SRRM4: variants seen among roughly 807,000 people sequenced by gnomAD.
SRRM4 encodes the protein serine/arginine repetitive matrix 4, also known as serine/arginine repetitive matrix protein 4.
SRRM4 carries 33 observed loss-of-function variants against 68.9 expected under a neutral mutation model. That is an observed-to-expected ratio of 0.48 (90% confidence interval 0.36 to 0.64). The LOEUF is 0.64. SRRM4 is among the 30% of genes least tolerant of loss of function. SRRM4 has a pLI of 0.00. For synonymous variants in SRRM4, 318 were observed against 318.8 expected (o/e 1.00, Z 0.03); for missense variants, 817 against 827.1 (o/e 0.99, Z 0.15).
intron 1 of SRRM4, among the ~76,000 whole-genome samples, chr12:119,000,566 G>T (rs1389949465): frequency 6.6e-6 from 1 of 152,162 alleles, no homozygotes; most frequent in East Asian, 1.9e-4. Flanking sequence ...GATTTAGTCA[G>T]AATTGGTTTA....
intron 8 of SRRM4, among the ~76,000 whole-genome samples, chr12:119,137,890 C>T (rs1592913384): frequency 6.6e-6 from 1 of 151,848 alleles, no homozygotes; most frequent in Non-Finnish European, 1.5e-5. Context: ...TTAAAAAGGT[C>T]GAGATGGGAG....
rs575089650 is a variant in SRRM4 at position 119,113,577 on chromosome 12, G to A, written c.279-701G>A. The stretch of plus-strand genomic sequence containing the variant: ...TAGTAAGATTATGTTTTCCCCTTGA[G>A]GTTCCACTAGGTTGGCATGTTCCAA... On this transcript the variant is annotated intron_variant, in intron 2 of 12. Coordinates refer to ENST00000267260, the MANE Select transcript of SRRM4 (RefSeq NM_194286.4). Among the ~76,000 whole-genome samples the A allele has an allele frequency of 2.2e-4, 34 of 152,242 alleles. No homozygotes were observed. In the South Asian group the frequency reaches 3.9e-3, roughly 18 times the overall value.
Position 119,083,983 on chromosome 12 carries a change from G to A in SRRM4, c.132-18253G>A, listed in dbSNP as rs192632509. Reference sequence around the variant, plus strand: ...TTTATGTCCTGCAAAGCATCACTGAGCTATTGCCATAAGCCATGCACATTA... The same window carrying A: ...TTTATGTCCTGCAAAGCATCACTGAACTATTGCCATAAGCCATGCACATTA... On this transcript the variant is annotated intron_variant, in intron 1 of 12. Transcript: ENST00000267260. 5.9e-5 allele frequency among the ~76,000 whole-genome samples: 9 copies of A among 152,308 alleles called. No homozygotes were observed. In the East Asian group the frequency reaches 1.7e-3, roughly 29 times the overall value.
Position 119,082,087 on chromosome 12 carries a change from C to T in SRRM4, c.132-20149C>T, listed in dbSNP as rs375868014. Among the ~76,000 whole-genome samples, 113 of 152,264 alleles carry T rather than the reference C, an allele frequency of 7.4e-4. No individual in the cohort carries two copies. The South Asian group carries it at 0.012, about 17-fold the overall frequency. On this transcript the variant is annotated intron_variant, in intron 1 of 12. Coordinates refer to ENST00000267260, the MANE Select transcript of SRRM4 (RefSeq NM_194286.4). ...TGTTCTGCAGGGAGAGATTGTTTCT[C>T]GAGTTTGTAGCATTCCTGGCTTGGA...
At chr12:119,073,936 C>T (rs959326287) in intron 1 of SRRM4, among the ~76,000 whole-genome samples, 1 of 152,114 alleles carries the variant, frequency 6.6e-6, no homozygotes, top group Admixed American at 6.5e-5. Context: ...CCAGCCAGAG[C>T]CTCTACTTCT....
intron 7 of SRRM4, 96 bp from the exon 8 acceptor site, chr12:119,130,582 C>A: frequency 7.9e-7 from 1 of 1,263,848 alleles, no homozygotes; most frequent in Non-Finnish European, 1.1e-6. Context: ...CACCCCCAAA[C>A]ACACTTTATC....
chr12:119,132,151 A>C (rs757499035), intron 8 of SRRM4: 3 of 152,172 alleles, frequency 2.0e-5, no homozygotes, highest in Non-Finnish European at 4.4e-5. Context: ...GTGGTTACTG[A>C]GTCCTTGCAG....
intron 1 of SRRM4, among the ~76,000 whole-genome samples, chr12:119,095,006 C>T (rs1301433654): frequency 1.3e-5 from 2 of 152,322 alleles, no homozygotes; most frequent in East Asian, 3.9e-4. Flanking sequence ...TATATCCAAA[C>T]GATGTCTCCC....
chr12:119,074,970 A>G (rs1953899500), intron 1 of SRRM4, among the ~76,000 whole-genome samples: 1 of 152,222 alleles, frequency 6.6e-6, no homozygotes, highest in Non-Finnish European at 1.5e-5. Flanking sequence ...AAAATCTATG[A>G]GGCCAAAGAA....
intron 1 of SRRM4, among the ~76,000 whole-genome samples, chr12:119,046,973 A>C (rs10849623): frequency 6.7e-6 from 1 of 149,394 alleles, no homozygotes; most frequent in African/African-American, 2.5e-5. Context: ...CGGAGCTTGC[A>C]GTGAGCTGAG....
At position 119,098,567 on chromosome 12, in the gene SRRM4, A is replaced by G. The variant is rs1954059027; in HGVS notation, c.132-3669A>G. 2.0e-5 allele frequency among the ~76,000 whole-genome samples: 3 copies of G among 152,374 alleles called. No homozygotes were observed. In the South Asian group the frequency reaches 6.2e-4, roughly 32 times the overall value. ...GGCAGAAAGACGCAGTCTTGCTCGCAGGGAGCTCATAGTCCAATTTGATAG... is the reference window on the plus strand; with the variant it reads ...GGCAGAAAGACGCAGTCTTGCTCGCGGGGAGCTCATAGTCCAATTTGATAG... On this transcript the variant is annotated intron_variant, in intron 1 of 12. Transcript: ENST00000267260.
chr12:119,070,704 G>A (rs1193376638), intron 1 of SRRM4, among the ~76,000 whole-genome samples: 2 of 152,196 alleles, frequency 1.3e-5, no homozygotes, highest in East Asian at 3.8e-4. Flanking sequence ...ATAAAAGATA[G>A]AATGGACTAA....
intron 1 of SRRM4, among the ~76,000 whole-genome samples, chr12:119,009,708 G>A (rs2135996783): frequency 6.6e-6 from 1 of 152,262 alleles, no homozygotes; most frequent in African/African-American, 2.4e-5. Context: ...CATTCAAACA[G>A]CAAATGTCCA....
intron 8 of SRRM4, among the ~76,000 whole-genome samples, chr12:119,142,182 A>T (rs1379581686): frequency 6.6e-6 from 1 of 152,206 alleles, no homozygotes; most frequent in African/African-American, 2.4e-5. Flanking sequence ...AAACACTGTC[A>T]TCCATGTCAA....
chr12:119,005,252 C>G (rs1953409246), intron 1 of SRRM4, among the ~76,000 whole-genome samples: 1 of 152,178 alleles, frequency 6.6e-6, no homozygotes, highest in Admixed American at 6.5e-5. Context: ...ACGGAAGGGG[C>G]CCCATTTTAT....
intron 1 of SRRM4, among the ~76,000 whole-genome samples, chr12:119,085,696 G>A (rs537085883): frequency 3.9e-4 from 60 of 152,286 alleles, no homozygotes; most frequent in African/African-American, 1.4e-3. Context: ...TTTGTCTCCT[G>A]CATGGACATC....
chr12:119,049,218 G>A (rs1953726461), intron 1 of SRRM4, among the ~76,000 whole-genome samples: 1 of 152,302 alleles, frequency 6.6e-6, no homozygotes, highest in Non-Finnish European at 1.5e-5. Flanking sequence ...TACATCTGGT[G>A]TTTAAGAATC....
rs752953989 is a variant in SRRM4 at position 119,120,222 on chromosome 12, T to G, written c.438-28T>G. 27 of 1,515,746 alleles carry G rather than the reference T, an allele frequency of 1.8e-5. No homozygotes were observed. In the African/African-American group the frequency reaches 3.7e-4, roughly 21 times the overall value. 93.9% of individuals were successfully genotyped at this position (1,515,746 alleles called of 1,614,324 possible). On this transcript the variant is annotated intron_variant, in intron 4 of 12. Coordinates refer to ENST00000267260, the MANE Select transcript of SRRM4 (RefSeq NM_194286.4). ...GCCTTTTTTTTCTTTGATTCTTCTT[T>G]TCATTTTTTTTCTTTCTTTCTTTTC... is the stretch of plus-strand genomic sequence containing the variant.
At chr12:119,093,909 A>C (rs1220018028) in intron 1 of SRRM4, among the ~76,000 whole-genome samples, 2 of 152,042 alleles carry the variant, frequency 1.3e-5, no homozygotes, top group Non-Finnish European at 2.9e-5. Flanking sequence ...GGAGGGAGAA[A>C]TGACTGGGTG....
Sources: gnomAD v4.1 joint callset for allele counts (sites outside exome capture counted in the v4.1 genomes callset) on GRCh38, gnomAD v4.1.1 for gene constraint, MANE v1.5 for transcripts, NCBI Gene and HGNC (gene_info 2026-07-23, HGNC 2026-07-21) for gene names.